KALRN: variants seen among roughly 807,000 people sequenced by gnomAD.
KALRN encodes kalirin RhoGEF kinase.
KALRN carries 70 observed loss-of-function variants against 353.7 expected under a neutral mutation model. The ratio of observed to expected loss-of-function variants is 0.20; its 90% CI spans 0.16 to 0.24. The LOEUF is 0.24. Among genes scored for constraint, KALRN ranks in the 10% least tolerant of loss-of-function variants. The pLI, the probability that KALRN is intolerant of heterozygous loss-of-function variation, is 1.00. For missense variants in KALRN, 2,791 were observed against 3,756.7 expected (o/e 0.74, Z 6.72); for synonymous variants, 1,391 against 1,434.8 (o/e 0.97, Z 0.69).
At chr3:124,036,211 C>T (rs1167621376) in intron 1 of KALRN, among the ~76,000 whole-genome samples, 1 of 152,070 alleles carries the variant, frequency 6.6e-6, no homozygotes, top group African/African-American at 2.4e-5. Context: ...TTTTCTCTGT[C>T]CTCCCACCTT....
chr3:124,707,394 T>TTTCC (rs368400674), intron 57 of KALRN, among the ~76,000 whole-genome samples: 25,901 of 140,494 alleles, frequency 0.18, 2,402 homozygotes, highest in Middle Eastern at 0.25. Context: ...AGAATAGCAG[T>TTTCC]TTCCTTCCTT....
At chr3:124,318,694 A>G (rs1008320528) in intron 6 of KALRN, among the ~76,000 whole-genome samples, 1 of 152,230 alleles carries the variant, frequency 6.6e-6, no homozygotes, top group African/African-American at 2.4e-5. Context: ...CTGTTTTGGA[A>G]TATCTCCAAA....
rs532580507 is a variant in KALRN at position 124,678,425 on chromosome 3, G to T, written c.7317+112G>T. ...TTATTTTTTTTTTTTCCCAGTATGG[G>T]TACCAGAGGGGAAGTAGTTTAGCAG... On this transcript the variant is annotated intron_variant, in intron 50 of 59. Transcript: ENST00000682506. 113 of 1,152,156 alleles carry T rather than the reference G, an allele frequency of 9.8e-5. 1 individual carries two copies. In the African/African-American group the frequency reaches 1.7e-3, roughly 17 times the overall value. 71.4% of individuals were successfully genotyped at this position (1,152,156 alleles called of 1,614,324 possible). A position where few individuals can be genotyped will look rare whatever the true frequency, so the allele number is the denominator to read the frequency against.
chr3:124,454,560 A>T (rs1001124359), intron 21 of KALRN, among the ~76,000 whole-genome samples: 1 of 152,206 alleles, frequency 6.6e-6, no homozygotes, highest in Non-Finnish European at 1.5e-5. Flanking sequence ...CACTGTACTA[A>T]GCATTCTACA....
chr3:124,394,271 G>A (rs1050396328), intron 11 of KALRN, among the ~76,000 whole-genome samples: 1 of 152,144 alleles, frequency 6.6e-6, no homozygotes, highest in African/African-American at 2.4e-5. Flanking sequence ...TGCTAGTCAG[G>A]TGAACACTCC....
At chr3:124,578,847 C>T (rs541387956) in intron 34 of KALRN, among the ~76,000 whole-genome samples, 1 of 148,946 alleles carries the variant, frequency 6.7e-6, no homozygotes, top group African/African-American at 2.5e-5. Context: ...GAAAGGAGAG[C>T]AAGGGAATGG....
intron 6 of KALRN, among the ~76,000 whole-genome samples, chr3:124,318,259 G>C (rs565740939): frequency 1.3e-5 from 2 of 152,264 alleles, no homozygotes; most frequent in East Asian, 3.9e-4. Context: ...ACATGGTTTG[G>C]CCTACTGTTT....
At chr3:124,403,417 A>G (rs930063319) in intron 13 of KALRN, among the ~76,000 whole-genome samples, 4 of 152,210 alleles carry the variant, frequency 2.6e-5, no homozygotes, top group African/African-American at 9.6e-5. Context: ...TATTCTAGAC[A>G]AGGGACTTTC....
chr3:124,632,558 CG>C lies in KALRN; in HGVS notation c.5322del (p.Ser1775ValfsTer70). The C allele has an allele frequency of 6.2e-7, 1 of 1,614,190 alleles. No homozygotes were observed. Among genetic ancestry groups the C allele is most frequent in the Non-Finnish European group, 8.5e-7 (1 of 1,180,038 alleles). On this transcript the variant is annotated frameshift_variant, in exon 35 of 60. Coordinates refer to ENST00000682506, the MANE Select transcript of KALRN (RefSeq NM_001388419.1). LOFTEE classifies it high-confidence loss of function. Reference sequence around the variant, plus strand: ...ACCAACACTCTTAAGAAGTGGCTGACGAGTCCTGTGCGTCGGCTTAACAGCG... The same window carrying C: ...ACCAACACTCTTAAGAAGTGGCTGACAGTCCTGTGCGTCGGCTTAACAGCG... ...RSTNTLKKWL[T>X]SPVRRLNSGK...
intron 33 of KALRN, 142 bp from the exon 34 acceptor site, chr3:124,562,701 T>C: frequency 2.9e-6 from 2 of 700,486 alleles, no homozygotes; most frequent in Non-Finnish European, 4.1e-6. Context: ...CTAAACACCA[T>C]TTTTCCTCTT....
intron 1 of KALRN, among the ~76,000 whole-genome samples, chr3:124,196,669 G>A (rs557303779): frequency 1.8e-4 from 28 of 152,162 alleles, no homozygotes; most frequent in Middle Eastern, 3.4e-3. Context: ...AAAATAAAGC[G>A]TACACACTTT....
At chr3:124,255,190 C>A (rs1016153247) in intron 3 of KALRN, among the ~76,000 whole-genome samples, 1 of 152,090 alleles carries the variant, frequency 6.6e-6, no homozygotes, top group Admixed American at 6.5e-5. Context: ...GTGATCTGCC[C>A]GCCTCAGCCT....
intron 34 of KALRN, among the ~76,000 whole-genome samples, chr3:124,587,005 G>A (rs184474189): frequency 6.6e-5 from 10 of 152,294 alleles, no homozygotes; most frequent in Non-Finnish European, 1.0e-4. Context: ...AAAAGATAAG[G>A]TCTGTATTGA....
At chr3:124,554,880 A>T (rs1442905798) in intron 33 of KALRN, among the ~76,000 whole-genome samples, 3 of 152,176 alleles carry the variant, frequency 2.0e-5, no homozygotes, top group Non-Finnish European at 4.4e-5. Flanking sequence ...GAGTATCTGT[A>T]CATCTTTTGG....
chr3:124,292,706 G>A (rs1208029635), intron 5 of KALRN, among the ~76,000 whole-genome samples: 2 of 152,204 alleles, frequency 1.3e-5, no homozygotes, highest in African/African-American at 2.4e-5. Context: ...CTGCAGGTGT[G>A]ATTCCCCATT....
intron 1 of KALRN, among the ~76,000 whole-genome samples, chr3:124,212,903 C>T (rs1458072645): frequency 6.6e-6 from 1 of 152,040 alleles, no homozygotes. Flanking sequence ...TCCATTTTCC[C>T]TCCTTTTTGA....
intron 6 of KALRN, among the ~76,000 whole-genome samples, chr3:124,321,278 G>A (rs966634539): frequency 5.9e-5 from 9 of 152,252 alleles, no homozygotes; most frequent in African/African-American, 1.9e-4. Context: ...ACCTTCTCTT[G>A]GCAATGATCT....
intron 1 of KALRN, among the ~76,000 whole-genome samples, chr3:124,092,569 G>A (rs1316083437): frequency 6.6e-6 from 1 of 152,208 alleles, no homozygotes; most frequent in Non-Finnish European, 1.5e-5. Context: ...GCCTCCCTCA[G>A]GGTTCCTGTT....
intron 1 of KALRN, among the ~76,000 whole-genome samples, chr3:124,093,138 C>G (rs1168385135): frequency 6.6e-6 from 1 of 152,182 alleles, no homozygotes; most frequent in African/African-American, 2.4e-5. Flanking sequence ...TGCTTGCTTT[C>G]TCCCTCTCCC....
Sources: allele counts gnomAD v4.1 joint callset (sites outside exome capture counted in the v4.1 genomes callset), GRCh38; gene constraint gnomAD v4.1.1; transcripts MANE v1.5; gene names NCBI Gene and HGNC (gene_info 2026-07-23, HGNC 2026-07-21).